Variants in BCL2L14 observed in about 807,000 individuals in gnomAD.
BCL2L14 encodes BCL2 like 14, also known as apoptosis facilitator Bcl-2-like protein 14.
In BCL2L14, 27 loss-of-function variants were observed where a neutral mutation model predicts 35.3. That is an observed-to-expected ratio of 0.76 (90% confidence interval 0.56 to 1.05). BCL2L14 has a LOEUF of 1.05. BCL2L14 is among the 50% of genes least tolerant of loss of function. The probability of loss-of-function intolerance (pLI) is 0.00; values close to 1 mark genes in which losing one functional copy is unlikely to be tolerated. For synonymous variants in BCL2L14, 139 were observed against 145.9 expected (o/e 0.95, Z 0.34); for missense variants, 377 against 382.6 (o/e 0.99, Z 0.12).
At chr12:12,074,271 A>C (rs1948732874) in intron 1 of BCL2L14, among the ~76,000 whole-genome samples, 1 of 152,160 alleles carries the variant, frequency 6.6e-6, no homozygotes, top group Non-Finnish European at 1.5e-5. Flanking sequence ...CCTACCATGT[A>C]TCAAGCACTA....
chr12:12,063,243 G>A (rs1204574170), intron 2 of BCL2L14, among the ~76,000 whole-genome samples: 2 of 97,874 alleles, frequency 2.0e-5, no homozygotes, highest in Non-Finnish European at 4.2e-5. Context: ...ATATCTCCTG[G>A]TGCTATCCCC....
In BCL2L14 at chr12:12,059,098, T is replaced by C. The variant is rs558985301; in HGVS notation, c.-272+7251T>C. On this transcript the variant is annotated intron_variant, in intron 2 of 3. Transcript: ENST00000461264. ...TTTATCCGTAGACCCAAAACTCCGG[T>C]GCCGGTCACGGACTGGGAATGCAGC... Among the ~76,000 whole-genome samples the C allele has an allele frequency of 8.5e-5, 13 of 152,304 alleles. No individual in the cohort carries two copies. The Middle Eastern group carries it at 0.01, about 120-fold the overall frequency.
intron 1 of BCL2L14, among the ~76,000 whole-genome samples, chr12:12,051,330 A>T (rs1948355256): frequency 6.6e-6 from 1 of 152,186 alleles, no homozygotes; most frequent in Non-Finnish European, 1.5e-5. Flanking sequence ...CGTCTGCTGT[A>T]GTCTGTAGCT....
rs200040821 is a variant in BCL2L14 at position 12,090,864 on chromosome 12, G to A, written c.678+15G>A. On this transcript the variant is annotated intron_variant, in intron 4 of 5. Coordinates refer to ENST00000308721, the MANE Select transcript of BCL2L14 (RefSeq NM_138723.2). Reference sequence around the variant, plus strand: ...TGGAAAGAAAGGTATGGAACACCTTGAACTGATGCGATTGATTTCTGTGCC... The same window carrying A: ...TGGAAAGAAAGGTATGGAACACCTTAAACTGATGCGATTGATTTCTGTGCC... The A allele has an allele frequency of 6.2e-4, 987 of 1,591,324 alleles. 4 individuals carry two copies. Among genetic ancestry groups the A allele is most frequent in the Non-Finnish European group, 7.4e-4 (858 of 1,165,440 alleles).
intron 4 of BCL2L14, among the ~76,000 whole-genome samples, chr12:12,093,297 A>G: frequency 6.6e-6 from 1 of 152,124 alleles, no homozygotes; most frequent in Non-Finnish European, 1.5e-5. Flanking sequence ...CGCATTTCCA[A>G]AGCACCTCTT....
chr12:12,078,409 C>A (rs191557817), intron 1 of BCL2L14, among the ~76,000 whole-genome samples: 246 of 152,246 alleles, frequency 1.6e-3, no homozygotes, highest in African/African-American at 5.7e-3. Flanking sequence ...CCTTTAACTC[C>A]ACAGTCCACA....
intron 2 of BCL2L14, among the ~76,000 whole-genome samples, chr12:12,053,047 G>A (rs1419556710): frequency 2.0e-5 from 3 of 152,172 alleles, no homozygotes; most frequent in African/African-American, 4.8e-5. Context: ...CATGGACAGT[G>A]TCCTTAGAAT....
At position 12,094,708 on chromosome 12, in the gene BCL2L14, G is replaced by A; in HGVS notation, c.723G>A (p.Leu241=). The change falls in exon 5 of 6, where the codon CTG becomes CTA. Residue 241 remains leucine, a synonymous_variant. Coordinates refer to ENST00000308721, the MANE Select transcript of BCL2L14 (RefSeq NM_138723.2). The stretch of plus-strand genomic sequence containing the variant: ...TGATGGGCCACTTCCAGGATGGGCT[G>A]TCCTACTCTGTTTTCAAGACCATCA... The part of the protein sequence containing the change: ...KALMGHFQDG[L]SYSVFKTITD... 6.2e-7 allele frequency: 1 copy of A among 1,614,234 alleles called. No individual in the cohort carries two copies. Among genetic ancestry groups the A allele is most frequent in the East Asian group, 2.2e-5 (1 of 44,890 alleles).
At chr12:12,067,110 G>A (rs865951730), upstream of BCL2L14, among the ~76,000 whole-genome samples, 13 of 152,144 alleles carry the variant, frequency 8.5e-5, no homozygotes, top group Middle Eastern at 3.4e-3. Context: ...TGTCACCCAG[G>A]CTGGAGTGCA....
upstream of BCL2L14, among the ~76,000 whole-genome samples, chr12:12,066,811 C>T (rs959191315): frequency 2.9e-4 from 43 of 150,778 alleles, no homozygotes; most frequent in East Asian, 1.2e-3. Flanking sequence ...CCCGGGTTCA[C>T]GCCATTCTCC....
At chr12:12,059,148 A>G (rs1356785486) in intron 2 of BCL2L14, among the ~76,000 whole-genome samples, 1 of 152,156 alleles carries the variant, frequency 6.6e-6, no homozygotes, top group Non-Finnish European at 1.5e-5. Flanking sequence ...TAATCATTGC[A>G]AGGACACCTC....
intron 3 of BCL2L14, 137 bp downstream of exon 3, chr12:12,087,523 C>A: frequency 1.0e-6 from 1 of 961,460 alleles, no homozygotes; most frequent in Non-Finnish European, 1.5e-6. Context: ...AGGCTGTGGG[C>A]AATGAGCTCC....
At chr12:12,077,914 G>A in intron 1 of BCL2L14, 1 of 407,014 alleles carries the variant, frequency 2.5e-6, no homozygotes, top group Non-Finnish European at 4.9e-6. Flanking sequence ...GACAGCAGAA[G>A]GAAACAGATT....
chr12:12,053,442 C>T (rs1420146470), intron 2 of BCL2L14, among the ~76,000 whole-genome samples: 3 of 132,474 alleles, frequency 2.3e-5, no homozygotes, highest in African/African-American at 8.4e-5. Context: ...TTTTTTGAGA[C>T]GAAGTTTCAC....
chr12:12,085,070 C>T (rs758005620), intron 2 of BCL2L14, among the ~76,000 whole-genome samples: 66 of 125,018 alleles, frequency 5.3e-4, no homozygotes, highest in South Asian at 8.4e-4. Context: ...GGCAACAGAG[C>T]GAGACTCCGT....
intron 1 of BCL2L14, among the ~76,000 whole-genome samples, chr12:12,077,258 G>A (rs1166955157): frequency 6.6e-6 from 1 of 152,140 alleles, no homozygotes; most frequent in African/African-American, 2.4e-5. Context: ...GACAGAGCCT[G>A]AGGCCGGGCA....
chr12:12,060,906 G>GAA (rs1371875128), intron 2 of BCL2L14, among the ~76,000 whole-genome samples: 1 of 54,396 alleles, frequency 1.8e-5, no homozygotes, highest in Non-Finnish European at 3.5e-5. Flanking sequence ...CACAGATGCC[G>GAA]AGCTTTAGGT....
intron 2 of BCL2L14, among the ~76,000 whole-genome samples, chr12:12,084,292 C>A (rs757934473): frequency 1.3e-5 from 2 of 152,150 alleles, no homozygotes; most frequent in African/African-American, 2.4e-5. Flanking sequence ...CTTGAAACTG[C>A]CCCCAGCTTC....
chr12:12,099,144 T>G lies in BCL2L14; in HGVS notation c.*156T>G, dbSNP rs1797647. On this transcript the variant is annotated 3_prime_UTR_variant, in exon 6 of 6. Transcript: ENST00000308721. ...GTGACTGGAGAGGCATCAGGAGAGG[T>G]CTCGTTCGTCTCCAGCTCATAAAAT... The G allele has an allele frequency of 0.26, 161,170 of 609,034 alleles. 22,474 individuals are homozygous for G. The highest frequency in any genetic ancestry group is 0.37 in the East Asian group (13,106 of 35,442). The allele number at this position is 609,034 out of a possible 1,614,324, so 37.7% of individuals were successfully genotyped here. A position where few individuals can be genotyped will look rare whatever the true frequency, so the allele number is the denominator to read the frequency against.
Sources: allele counts gnomAD v4.1 joint callset (sites outside exome capture counted in the v4.1 genomes callset), GRCh38; gene constraint gnomAD v4.1.1; transcripts MANE v1.5; gene names NCBI Gene and HGNC (gene_info 2026-07-23, HGNC 2026-07-21).